Variants in CLN6 observed in about 807,000 individuals in gnomAD.
CLN6 encodes ceroid-lipofuscinosis neuronal protein 6.
CLN6 carries 22 observed loss-of-function variants against 33.3 expected under a neutral mutation model. The observed-to-expected ratio is 0.66, with a 90% CI of 0.47 to 0.94. CLN6 has a LOEUF of 0.94. Among genes scored for constraint, CLN6 ranks in the 40% least tolerant of loss-of-function variants. CLN6 has a pLI of 0.00. For missense variants in CLN6, 387 were observed against 417.1 expected, an observed-to-expected ratio of 0.93 and a Z score of 0.63; for synonymous variants, 201 against 174.6, an observed-to-expected ratio of 1.15 and a Z score of -1.19.
At chr15:68,240,866 C>T (rs1426843866) in intron 1 of CLN6, among the ~76,000 whole-genome samples, 2 of 151,364 alleles carry the variant, frequency 1.3e-5, no homozygotes, top group Non-Finnish European at 2.9e-5. Context: ...TGCCTGTAAT[C>T]CCAGCTACTC....
intron 3 of CLN6, chr15:68,213,810 GT>G (rs2093212783): frequency 5.6e-6 from 1 of 179,600 alleles, no homozygotes; most frequent in South Asian, 1.2e-4. Context: ...AAAGCCAGCA[GT>G]TCCTGCTAGT....
chr15:68,238,160 C>T (rs1892240318), intron 1 of CLN6, among the ~76,000 whole-genome samples: 1 of 151,656 alleles, frequency 6.6e-6, no homozygotes, highest in South Asian at 2.1e-4. Context: ...AATCCCAGCA[C>T]TTTGGGAGGC....
At chr15:68,221,788 G>A (rs1369095157) in intron 1 of CLN6, among the ~76,000 whole-genome samples, 8 of 138,818 alleles carry the variant, frequency 5.8e-5, no homozygotes, top group Non-Finnish European at 9.3e-5. Context: ...TGTGAGGAGC[G>A]CCTCTGCCCG....
intron 1 of CLN6, among the ~76,000 whole-genome samples, chr15:68,240,330 G>C (rs1307528967): frequency 1.3e-5 from 2 of 152,194 alleles, no homozygotes; most frequent in African/African-American, 4.8e-5. Flanking sequence ...AGGCGCAGTG[G>C]CTCACGCCTG....
intron 1 of CLN6, among the ~76,000 whole-genome samples, chr15:68,245,619 G>A: frequency 6.6e-6 from 1 of 152,014 alleles, no homozygotes; most frequent in Non-Finnish European, 1.5e-5. Context: ...CAACAAAATG[G>A]CAGTAGTAAG....
intron 1 of CLN6, among the ~76,000 whole-genome samples, chr15:68,221,213 T>G (rs2093234701): frequency 3.1e-5 from 4 of 129,670 alleles, no homozygotes; most frequent in Admixed American, 1.5e-4. Context: ...GAAAGGGATC[T>G]CCCTCCCCCC....
chr15:68,251,115 T>TCCA, intron 1 of CLN6, among the ~76,000 whole-genome samples: 1 of 152,142 alleles, frequency 6.6e-6, no homozygotes, highest in South Asian at 2.1e-4. Context: ...CCAAAGAGTA[T>TCCA]AAGAATGTAA....
At chr15:68,230,200 G>C (rs1485233501), upstream of CLN6, among the ~76,000 whole-genome samples, 2 of 152,254 alleles carry the variant, frequency 1.3e-5, no homozygotes, top group African/African-American at 4.8e-5. The surrounding 1 kb of genome is among the most constrained non-coding windows in gnomAD (Gnocchi z 4.0). Context: ...ATCTAGAGTC[G>C]TGTGAGAGGT....
Position 68,218,618 on chromosome 15 carries a change from C to T in CLN6, c.116G>A (p.Arg39His), listed in dbSNP as rs779456928. 1.2e-5 allele frequency: 20 copies of T among 1,613,720 alleles called. No homozygotes were observed. The highest frequency in any genetic ancestry group is 8.9e-5 in the East Asian group (4 of 44,878). Reference protein sequence around the residue: ...HGSVSADEAARTAPFHLDLWF... With the variant: ...HGSVSADEAAHTAPFHLDLWF... ...GAGGTCGAGGTGGAAGGGAGCCGTG[C>T]GGGCAGCCTCATCAGCGCTCACAGA... Residue 39 changes from arginine to histidine, a missense_variant, in exon 2 of 7, where the codon CGC (arginine) becomes CAC (histidine). Physicochemically the swap from Arg to His is conservative, Grantham distance 29. Coordinates refer to ENST00000249806, the MANE Select transcript of CLN6 (RefSeq NM_017882.3).
At position 68,208,441 on chromosome 15, in the gene CLN6, G is replaced by C. The variant is rs765433229; in HGVS notation, c.666-31C>G. 1 of 1,610,686 alleles carries C rather than the reference G, an allele frequency of 6.2e-7. No homozygotes were observed. The highest frequency in any genetic ancestry group is 1.1e-5 in the South Asian group (1 of 90,844). On this transcript the variant is annotated intron_variant, in intron 6 of 6. Transcript: ENST00000249806. This position sits in a 1 kb window ranked among gnomAD's most constrained non-coding sequence, Gnocchi z 5.8. ...AAGGCCAGGGGTGAGTGAGGCAGCT[G>C]CCGTGGCAACCCCGTCCTGCCTGGC...
chr15:68,243,231 A>G (rs1892294171), intron 1 of CLN6, among the ~76,000 whole-genome samples: 1 of 152,236 alleles, frequency 6.6e-6, no homozygotes, highest in Non-Finnish European at 1.5e-5. Flanking sequence ...GAGTATAAAC[A>G]AGTTGGCTAA....
rs1036043867 is a variant in CLN6 at position 68,236,959 on chromosome 15, C to T, written c.180-18309G>A. Among the ~76,000 whole-genome samples, 26 of 151,132 alleles carry T rather than the reference C, an allele frequency of 1.7e-4. No individual in the cohort carries two copies. Among genetic ancestry groups the T allele is most frequent in the African/African-American group, 5.8e-4 (24 of 41,160 alleles). ...GATCATGAGGTCAGGAGATCGAGAC[C>T]ATCCTGGCTAACAAGGTGAAACCCC... On this transcript the variant is annotated intron_variant, in intron 1 of 6. Transcript: ENST00000538696. This position sits in a 1 kb window ranked among gnomAD's most constrained non-coding sequence, Gnocchi z 4.5.
In CLN6 at chr15:68,211,289, A is replaced by T; in HGVS notation, c.516T>A (p.Tyr172Ter). ...ACATGCAGTGACCCAGGTACTCATC[A>T]TAATAGTAGAGCAGCTCAAAGGAGT... ...LIDSFELLYY[Y>*]DEYLGHCMWY... The change falls in exon 5 of 7, where the codon TAT (tyrosine) becomes TAA (stop). Residue 172 changes from tyrosine to a stop codon, truncating the protein, a stop_gained. Transcript: ENST00000249806. LOFTEE classifies it high-confidence loss of function. The surrounding 1 kb of genome is among the most constrained non-coding windows in gnomAD (Gnocchi z 5.9). 1 of 1,614,026 alleles carries T rather than the reference A, an allele frequency of 6.2e-7. No individual in the cohort carries two copies. Among genetic ancestry groups the T allele is most frequent in the Non-Finnish European group, 8.5e-7 (1 of 1,180,004 alleles).
rs1368448992 is a variant in CLN6 at position 68,228,347 on chromosome 15, C to T, written c.83+1155G>A. Among the ~76,000 whole-genome samples, 1 of 152,150 alleles carries T rather than the reference C, an allele frequency of 6.6e-6. No individual in the cohort carries two copies. The highest frequency in any genetic ancestry group is 1.9e-4 in the East Asian group (1 of 5,182). Reference sequence around the variant, plus strand: ...AGAAACTTCTCACGACTCCCCAGTGCCTATGGGATAAAGACTGTGTCCTTA... The same window carrying T: ...AGAAACTTCTCACGACTCCCCAGTGTCTATGGGATAAAGACTGTGTCCTTA... On this transcript the variant is annotated intron_variant, in intron 1 of 6. Transcript: ENST00000249806. This position sits in a 1 kb window ranked among gnomAD's most constrained non-coding sequence, Gnocchi z 4.4.
chr15:68,221,798 G>A lies in CLN6; in HGVS notation c.84-3148C>T, dbSNP rs547789856. Among the ~76,000 whole-genome samples the A allele has an allele frequency of 8.6e-3, 1,218 of 142,292 alleles. 18 individuals are homozygous for A. Among genetic ancestry groups the A allele is most frequent in the African/African-American group, 0.03 (1,118 of 37,398 alleles). 93.3% of individuals were successfully genotyped at this position (142,292 alleles called of 152,430 possible). ...TGGGATGTGAGGAGCGCCTCTGCCC[G>A]GCCGCCCCGTCTGGGAAGTGAGGAG... is the stretch of plus-strand genomic sequence containing the variant. On this transcript the variant is annotated intron_variant, in intron 1 of 6. Transcript: ENST00000249806.
upstream of CLN6, among the ~76,000 whole-genome samples, chr15:68,231,628 CAG>C (rs750472168): frequency 9.4e-4 from 143 of 152,392 alleles, 1 homozygote; most frequent in Middle Eastern, 3.4e-3. Flanking sequence ...TAATAACACT[CAG>C]AGGTGGGCTT....
rs1369226101 is a variant in CLN6, at chr15:68,211,858, G to A, written c.303C>T (p.Ile101=). The change falls in exon 4 of 7, where the codon ATC becomes ATT. Residue 101 remains isoleucine, a synonymous_variant. Transcript: ENST00000249806. This position sits in a 1 kb window ranked among gnomAD's most constrained non-coding sequence, Gnocchi z 5.9. Reference sequence around the variant, plus strand: ...GTGGCAGGGTGCGGGGGGACCGCTCGATGAGCTGGGGTTCAGAGTGGGGTT... The same window carrying A: ...GTGGCAGGGTGCGGGGGGACCGCTCAATGAGCTGGGGTTCAGAGTGGGGTT... ...VITPFLLLKL[I]ERSPRTLPRS... 6.8e-6 allele frequency: 11 copies of A among 1,613,432 alleles called. No homozygotes were observed. The highest frequency in any genetic ancestry group is 1.1e-5 in the South Asian group (1 of 91,074).
At chr15:68,224,324 T>C (rs986707046) in intron 1 of CLN6, among the ~76,000 whole-genome samples, 5 of 141,794 alleles carry the variant, frequency 3.5e-5, no homozygotes, top group South Asian at 2.3e-4. Flanking sequence ...AGCAACCAGC[T>C]TGCAAATCAA....
At position 68,209,567 on chromosome 15, in the gene CLN6, A is replaced by G. The variant is rs559697715; in HGVS notation, c.665+70T>C. On this transcript the variant is annotated intron_variant, in intron 6 of 6. Coordinates refer to ENST00000249806, the MANE Select transcript of CLN6 (RefSeq NM_017882.3). The surrounding 1 kb of genome is among the most constrained non-coding windows in gnomAD (Gnocchi z 4.9). ...GGGGCCACACAGCAGGTCCATTGGCAAGTGCAGAATTTTGCTGCCGTGGCT... is the reference window on the plus strand; with the variant it reads ...GGGGCCACACAGCAGGTCCATTGGCGAGTGCAGAATTTTGCTGCCGTGGCT... The G allele has an allele frequency of 1.3e-6, 2 of 1,599,094 alleles. No individual in the cohort carries two copies. The highest frequency in any genetic ancestry group is 2.2e-5 in the South Asian group (2 of 90,430).
Sources: gnomAD v4.1 joint callset for allele counts (sites outside exome capture counted in the v4.1 genomes callset) on GRCh38, gnomAD v4.1.1 for gene constraint, Gnocchi (gnomAD v3.1) non-coding constraint, MANE v1.5 for transcripts, NCBI Gene and HGNC (gene_info 2026-07-23, HGNC 2026-07-21) for gene names.